The following SGSH variants were observed in gnomAD, a reference collection of about 807,000 sequenced individuals.
The protein encoded by SGSH is N-sulfoglucosamine sulfohydrolase.
SGSH carries 48 observed loss-of-function variants against 51.0 expected under a neutral mutation model. The ratio of observed to expected loss-of-function variants is 0.94; its 90% CI spans 0.75 to 1.20. The LOEUF (loss-of-function observed/expected upper bound fraction) is 1.20. Ranked by LOEUF, SGSH falls within the 50% of genes most tolerant of loss-of-function variation. The pLI is 0.00. For missense variants in SGSH, 662 were observed against 717.8 expected (o/e 0.92, Z 0.89); for synonymous variants, 321 against 313.4 (o/e 1.02, Z -0.26).
At chr17:80,217,287 C>G in intron 1 of SGSH, 95 bp from the exon 2 acceptor site, 2 of 1,433,278 alleles carry the variant, frequency 1.4e-6, no homozygotes, top group African/African-American at 2.8e-5. Context: ...TGCCAGAAGG[C>G]GAGACACCCA....
chr17:80,205,100 C>A, downstream of SGSH: 1 of 1,613,540 alleles, frequency 6.2e-7, no homozygotes. Context: ...GGTGCGGCCC[C>A]ATCGACCCGC....
At position 80,210,318 on chromosome 17, in the gene SGSH, GGAA is replaced by G. The variant is rs2041582942; in HGVS notation, c.*131_*133del. The G allele has an allele frequency of 6.9e-7, 1 of 1,440,592 alleles. No homozygotes were observed. Among genetic ancestry groups the G allele is most frequent in the Non-Finnish European group, 9.1e-7 (1 of 1,100,422 alleles). The allele number at this position is 1,440,592 out of a possible 1,614,324, so 89.2% of individuals were successfully genotyped here. ...AATGGCAAGAGTGACCCCACAGGAAGGAAGAACCCTCCTTGGATGGGAGTGTGG... is the reference window on the plus strand; with the variant it reads ...AATGGCAAGAGTGACCCCACAGGAAGGAACCCTCCTTGGATGGGAGTGTGG... On this transcript the variant is annotated 3_prime_UTR_variant, in exon 8 of 8. Coordinates refer to ENST00000326317, the MANE Select transcript of SGSH (RefSeq NM_000199.5).
downstream of SGSH, chr17:80,202,130 C>T: frequency 2.6e-6 from 4 of 1,512,850 alleles, no homozygotes; most frequent in Non-Finnish European, 2.7e-6. Context: ...ACCTTCCTCG[C>T]AGAGGCTCGT....
rs200965114 is a variant in SGSH at position 80,214,335 on chromosome 17, G to A, written c.507-7C>T. On this transcript the variant is annotated splice_polypyrimidine_tract_variant and splice_region_variant and intron_variant, in intron 4 of 7. Transcript: ENST00000326317. Reference sequence around the variant, plus strand: ...GACGTAGAGGAAGAAAGGCCTGCACGGGAGGAGGCTCATTGCCAAGGCTGC... The same window carrying A: ...GACGTAGAGGAAGAAAGGCCTGCACAGGAGGAGGCTCATTGCCAAGGCTGC... The A allele has an allele frequency of 3.1e-4, 497 of 1,610,910 alleles. No individual in the cohort carries two copies. Among genetic ancestry groups the A allele is most frequent in the Admixed American group, 1.4e-3 (85 of 59,976 alleles).
rs918462495 is a variant in SGSH at position 80,213,467 on chromosome 17, C to T, written c.745+337G>A. 5.2e-6 allele frequency: 2 copies of T among 382,324 alleles called. No homozygotes were observed. The highest frequency in any genetic ancestry group is 4.2e-5 in the Admixed American group (1 of 23,552). The allele number at this position is 382,324 out of a possible 1,614,324, so 23.7% of individuals were successfully genotyped here. On this transcript the variant is annotated intron_variant, in intron 6 of 7. Transcript: ENST00000326317. The surrounding 1 kb of genome is among the most constrained non-coding windows in gnomAD (Gnocchi z 4.6). The stretch of plus-strand genomic sequence containing the variant: ...TGTAAGCCATCAACCACAAAAAACT[C>T]ACAGACCTCAAGATCTCCATCTGCA...
In SGSH at chr17:80,210,254, GCACATGCTCTGGT is replaced by G. The variant is rs1280406358; in HGVS notation, c.*185_*197del. 1.1e-5 allele frequency: 15 copies of G among 1,426,676 alleles called. No homozygotes were observed. The highest frequency in any genetic ancestry group is 6.1e-5 in the South Asian group (4 of 65,872). The allele number at this position is 1,426,676 out of a possible 1,614,324, so 88.4% of individuals were successfully genotyped here. ...GTGCCCCTGGTGGTGGAGGGGCTGG[GCACATGCTCTGGT>G]CACATGCTCTGGTCCCCCTCCAGGC... On this transcript the variant is annotated 3_prime_UTR_variant, in exon 8 of 8. Transcript: ENST00000326317.
chr17:80,204,917 A>C (rs540708684), downstream of SGSH: 7 of 847,894 alleles, frequency 8.3e-6, no homozygotes, highest in South Asian at 1.3e-4. Flanking sequence ...GTGCCCCTGG[A>C]ATTCTAGGTG....
chr17:80,213,759 C>T lies in SGSH; in HGVS notation c.745+45G>A. 6.6e-7 allele frequency: 1 copy of T among 1,521,650 alleles called. No homozygotes were observed. Among genetic ancestry groups the T allele is most frequent in the South Asian group, 1.2e-5 (1 of 85,034 alleles). 94.3% of individuals were successfully genotyped at this position (1,521,650 alleles called of 1,614,324 possible). A position where few individuals can be genotyped will look rare whatever the true frequency, so the allele number is the denominator to read the frequency against. The stretch of plus-strand genomic sequence containing the variant: ...GAGGGCGCTGGCCCAGGATGGGGGA[C>T]CCCGGCCGTGGCACCCCCTCCAGTG... On this transcript the variant is annotated intron_variant, in intron 6 of 7. Transcript: ENST00000326317. This position sits in a 1 kb window ranked among gnomAD's most constrained non-coding sequence, Gnocchi z 4.6.
At position 80,210,710 on chromosome 17, in the gene SGSH, A is replaced by G. The variant is rs2144692797; in HGVS notation, c.1251T>C (p.Ala417=). Reference sequence around the variant, plus strand: ...CCTTGTACCAGCCCGTGGGCTGACCAGCTGTGGTGCGGTTCAGGAGGTCCT... The same window carrying G: ...CCTTGTACCAGCCCGTGGGCTGACCGGCTGTGGTGCGGTTCAGGAGGTCCT... ...TFQDLLNRTT[A]GQPTGWYKDL... is the part of the protein sequence containing the mutation. Residue 417 remains alanine (A), a synonymous_variant, in exon 8 of 8, where the codon GCT becomes GCC. Transcript: ENST00000326317. 2 of 1,613,978 alleles carry G rather than the reference A, an allele frequency of 1.2e-6. No individual in the cohort carries two copies. The highest frequency in any genetic ancestry group is 2.2e-5 in the South Asian group (2 of 91,076).
chr17:80,204,774 T>C (rs575277341), downstream of SGSH: 745 of 472,776 alleles, frequency 1.6e-3, 2 homozygotes, highest in Middle Eastern at 2.2e-3. Context: ...CCCTTGGGCC[T>C]ATAGGAAACA....
chr17:80,208,240 G>T, downstream of SGSH: 1 of 1,576,322 alleles, frequency 6.3e-7, no homozygotes. Context: ...ACAGCAGCCT[G>T]GCTCCTGACG....
Position 80,212,231 on chromosome 17 carries a change from C to T in SGSH, c.789G>A (p.Leu263=). 6.2e-7 allele frequency: 1 copy of T among 1,613,014 alleles called. No individual in the cohort carries two copies. The highest frequency in any genetic ancestry group is 8.5e-7 in the Non-Finnish European group (1 of 1,179,862). Residue 263 remains leucine, a synonymous_variant, in exon 7 of 8, where the codon CTG becomes CTA. Coordinates refer to ENST00000326317, the MANE Select transcript of SGSH (RefSeq NM_000199.5). This position sits in a 1 kb window ranked among gnomAD's most constrained non-coding sequence, Gnocchi z 5.9. ...ACGTGAAGATCACCAGTGTGTCGTTCAGGACACCGGCGTCACGCAGCTCCT... is the reference window on the plus strand; with the variant it reads ...ACGTGAAGATCACCAGTGTGTCGTTTAGGACACCGGCGTCACGCAGCTCCT... ...VLQELRDAGV[L]NDTLVIFTSD... is the part of the protein sequence containing the mutation.
intron 7 of SGSH, chr17:80,211,299 TG>T: frequency 1.4e-6 from 1 of 694,598 alleles, no homozygotes. Context: ...CCAGCCCCTG[TG>T]GTGGGTGTGG....
At chr17:80,202,519 G>C (rs1233692100), downstream of SGSH, 2 of 1,513,370 alleles carry the variant, frequency 1.3e-6, no homozygotes, top group African/African-American at 2.7e-5. Flanking sequence ...GCAATAGAGG[G>C]TGGGCGTGGT....
At chr17:80,207,233 G>T, downstream of SGSH, 1 of 593,526 alleles carries the variant, frequency 1.7e-6, no homozygotes, top group Non-Finnish European at 2.9e-6. Context: ...TTGGGACAAG[G>T]GCCCCGCTGA....
intron 1 of SGSH, among the ~76,000 whole-genome samples, chr17:80,217,800 A>G (rs2041948551): frequency 6.6e-6 from 1 of 152,100 alleles, no homozygotes; most frequent in South Asian, 2.1e-4. Flanking sequence ...GTTAGCAGGC[A>G]GGCATGGTAT....
chr17:80,205,350 T>C (rs1172568587), downstream of SGSH: 2 of 1,160,236 alleles, frequency 1.7e-6, no homozygotes, highest in African/African-American at 3.1e-5. Flanking sequence ...GTCCAGATAG[T>C]TCAGGATGGA....
At chr17:80,202,493 T>C, downstream of SGSH, 2 of 1,557,468 alleles carry the variant, frequency 1.3e-6, no homozygotes, top group Non-Finnish European at 1.7e-6. Flanking sequence ...CTGCCTCGGC[T>C]TCCTCCTCCT....
At chr17:80,218,390 G>A (rs184186407) in intron 1 of SGSH, among the ~76,000 whole-genome samples, 19 of 152,348 alleles carry the variant, frequency 1.2e-4, no homozygotes, top group Admixed American at 9.8e-4. Context: ...ACAGGGACAG[G>A]CCGCTGAACT....
Sources: allele counts gnomAD v4.1 joint callset (sites outside exome capture counted in the v4.1 genomes callset), GRCh38; gene constraint gnomAD v4.1.1; non-coding constraint Gnocchi (gnomAD v3.1); transcripts MANE v1.5; gene names NCBI Gene and HGNC (gene_info 2026-07-23, HGNC 2026-07-21).